The following COLEC11 variants were observed in gnomAD, a reference collection of about 807,000 sequenced individuals.
COLEC11 encodes collectin subfamily member 11, also known as collectin-11.
Under a neutral mutation model 27.3 loss-of-function variants are expected in COLEC11, and 20 were observed. That is an observed-to-expected ratio of 0.73 (90% CI 0.51 to 1.06). The LOEUF (loss-of-function observed/expected upper bound fraction) is 1.06, where lower values mean the gene tolerates loss of function less well. Ranked by LOEUF, COLEC11 falls within the 50% of genes least tolerant of loss-of-function variation. COLEC11 has a pLI of 0.00. For missense variants in COLEC11, 310 were observed against 383.0 expected, an observed-to-expected ratio of 0.81 and a Z score of 1.59; for synonymous variants, 163 against 154.7, an observed-to-expected ratio of 1.05 and a Z score of -0.40.
At chr2:3,633,124 T>C (rs1316558121) in intron 3 of COLEC11, among the ~76,000 whole-genome samples, 2 of 152,146 alleles carry the variant, frequency 1.3e-5, no homozygotes, top group African/African-American at 4.8e-5. Context: ...GGCCCCACTT[T>C]CCCGTCTTCC....
At chr2:3,606,246 C>T (rs1371729182) in intron 2 of COLEC11, 5 of 1,549,944 alleles carry the variant, frequency 3.2e-6, no homozygotes, top group Non-Finnish European at 1.7e-6. Flanking sequence ...CCTGCCAGGT[C>T]AGTAGCCTGC....
At chr2:3,636,700 C>G (rs1037281243) in intron 3 of COLEC11, among the ~76,000 whole-genome samples, 14 of 152,280 alleles carry the variant, frequency 9.2e-5, no homozygotes, top group Non-Finnish European at 2.9e-5. Flanking sequence ...TGGTGATAAC[C>G]AGCAGACAGG....
intron 1 of COLEC11, among the ~76,000 whole-genome samples, chr2:3,598,151 G>A (rs546031093): frequency 4.6e-5 from 7 of 152,084 alleles, no homozygotes; most frequent in Non-Finnish European, 8.8e-5. Flanking sequence ...GGCCAGGCTG[G>A]TCTCGAACTC....
At chr2:3,617,692 G>A in intron 3 of COLEC11, 1 of 1,609,090 alleles carries the variant, frequency 6.2e-7, no homozygotes, top group Non-Finnish European at 8.5e-7. Context: ...TGGTTGTGGA[G>A]GAAAAGCGGA....
At chr2:3,610,054 T>C (rs1264497835) in intron 2 of COLEC11, among the ~76,000 whole-genome samples, 2 of 152,342 alleles carry the variant, frequency 1.3e-5, no homozygotes, top group East Asian at 1.9e-4. Context: ...TCCTTACTGC[T>C]TTATCTTTAG....
chr2:3,643,358 G>T, intron 5 of COLEC11, 86 bp from the exon 6 acceptor site: 1 of 1,117,458 alleles, frequency 8.9e-7, no homozygotes. Flanking sequence ...TGAGTAAAAT[G>T]TGCATTTCCG....
Position 3,613,373 on chromosome 2 carries a change from G to C in COLEC11, c.193G>C (p.Gly65Arg), listed in dbSNP as rs1004546926. Residue 65 changes from glycine (G) to arginine (R), a missense_variant, in exon 3 of 7, where the codon GGA (glycine) becomes CGA (arginine). Transcript: ENST00000349077. ...PGRPGRVGPT[G>R]EKGDMGDKGQ... is the part of the protein sequence containing the mutation. The stretch of plus-strand genomic sequence containing the variant: ...ACGGCCTGGAAGAGTCGGCCCCACG[G>C]GAGAAAAAGGTACCTGCAGCCCTGG... The C allele has an allele frequency of 5.0e-6, 8 of 1,599,744 alleles. No homozygotes were observed. The African/African-American group carries it at 1.1e-4, about 21-fold the overall frequency.
intron 3 of COLEC11, among the ~76,000 whole-genome samples, chr2:3,615,351 A>C (rs1052246335): frequency 1.1e-4 from 17 of 152,192 alleles, no homozygotes; most frequent in South Asian, 2.1e-4. Flanking sequence ...CTTAACGAGC[A>C]TGCTGCCTTC....
intron 3 of COLEC11, among the ~76,000 whole-genome samples, chr2:3,629,266 G>A (rs948287355): frequency 6.6e-6 from 1 of 152,282 alleles, no homozygotes; most frequent in Admixed American, 6.5e-5. Context: ...GGATTTCAAC[G>A]GTTCTCACCT....
chr2:3,597,674 TAA>T (rs80108593), intron 1 of COLEC11, among the ~76,000 whole-genome samples: 4 of 141,946 alleles, frequency 2.8e-5, no homozygotes, highest in Non-Finnish European at 3.1e-5. Context: ...CCTGAGACAT[TAA>T]AAAAAAAAAA....
At chr2:3,627,925 G>C (rs1163549054) in intron 3 of COLEC11, among the ~76,000 whole-genome samples, 1 of 152,208 alleles carries the variant, frequency 6.6e-6, no homozygotes, top group Non-Finnish European at 1.5e-5. Flanking sequence ...GGAAGAGCGG[G>C]ACCTGGGTGT....
At chr2:3,641,554 A>T in intron 5 of COLEC11, 2 of 574,528 alleles carry the variant, frequency 3.5e-6, no homozygotes, top group South Asian at 4.1e-5. Flanking sequence ...ACTTCCCCTG[A>T]CAGGGATCTC....
intron 4 of COLEC11, among the ~76,000 whole-genome samples, chr2:3,638,782 G>A (rs968457696): frequency 6.6e-6 from 1 of 152,190 alleles, no homozygotes; most frequent in Non-Finnish European, 1.5e-5. Flanking sequence ...AGGGAGGCGT[G>A]GGCTTCACAA....
At chr2:3,635,506 C>A (rs1372130245) in intron 3 of COLEC11, among the ~76,000 whole-genome samples, 1 of 152,238 alleles carries the variant, frequency 6.6e-6, no homozygotes, top group Non-Finnish European at 1.5e-5. Flanking sequence ...CTCTCCGATG[C>A]TTTCCTGGGC....
chr2:3,610,139 T>C (rs13031175), intron 2 of COLEC11, among the ~76,000 whole-genome samples: 105,158 of 151,984 alleles, frequency 0.69, 36,892 homozygotes, highest in South Asian at 0.89. Flanking sequence ...CTGAGCAAGG[T>C]GTGGTAAAGA....
chr2:3,618,818 A>AT (rs765916240), intron 3 of COLEC11, among the ~76,000 whole-genome samples: 1 of 152,054 alleles, frequency 6.6e-6, no homozygotes, highest in African/African-American at 2.4e-5. Context: ...ACGAACAGAT[A>AT]TTTTTTCCAT....
At chr2:3,623,083 T>C (rs1664292777) in intron 3 of COLEC11, among the ~76,000 whole-genome samples, 1 of 152,234 alleles carries the variant, frequency 6.6e-6, no homozygotes, top group Non-Finnish European at 1.5e-5. Flanking sequence ...TGCCAGTTTT[T>C]TTCTTTCAGT....
Position 3,604,366 on chromosome 2 carries a change from G to A in COLEC11, c.26G>A (p.Gly9Asp). Residue 9 changes from glycine to aspartate, a missense_variant, in exon 2 of 7, where the codon GGC (glycine) becomes GAC (aspartate). Gly to Asp is a moderately conservative substitution (Grantham distance 94). Coordinates refer to ENST00000349077, the MANE Select transcript of COLEC11 (RefSeq NM_024027.5). Reference protein sequence around the residue: MRGNLALVGVLISLAFLSL... With the variant: MRGNLALVDVLISLAFLSL... ...ATGAGGGGGAATCTGGCCCTGGTGG[G>A]CGTTCTAATCAGCCTGGCCTTCCTG... The A allele has an allele frequency of 6.2e-7, 1 of 1,614,238 alleles. No individual in the cohort carries two copies. The highest frequency in any genetic ancestry group is 1.7e-5 in the Admixed American group (1 of 60,020).
chr2:3,603,874 C>A lies in COLEC11; in HGVS notation c.-26-441C>A, dbSNP rs1662425409. The A allele has an allele frequency of 8.4e-6, 5 of 597,950 alleles. No homozygotes were observed. In the South Asian group the frequency reaches 1.0e-4, roughly 12 times the overall value. The allele number at this position is 597,950 out of a possible 1,614,324, so 37.0% of individuals were successfully genotyped here. The stretch of plus-strand genomic sequence containing the variant: ...CTTGTCTGTGAATGGAGCCGCTAAG[C>A]TTGGGGCTCCTCAGGCGCCTTGGCT... On this transcript the variant is annotated intron_variant, in intron 1 of 6. Transcript: ENST00000349077.
Sources: gnomAD v4.1 joint callset for allele counts (sites outside exome capture counted in the v4.1 genomes callset) on GRCh38, gnomAD v4.1.1 for gene constraint, MANE v1.5 for transcripts, NCBI Gene and HGNC (gene_info 2026-07-23, HGNC 2026-07-21) for gene names.